The following WBP1L variants were observed in gnomAD, a reference collection of about 807,000 sequenced individuals.
WBP1L encodes WW domain binding protein 1 like.
Under a neutral mutation model 33.7 loss-of-function variants are expected in WBP1L, and 17 were observed. The ratio of observed to expected loss-of-function variants is 0.50; its 90% CI spans 0.34 to 0.76. WBP1L has a LOEUF of 0.76. Among genes scored for constraint, WBP1L ranks in the 30% least tolerant of loss-of-function variants. WBP1L has a pLI of 0.01. For missense variants in WBP1L, 389 were observed against 469.4 expected (o/e 0.83, Z 1.58); for synonymous variants, 173 against 190.8 (o/e 0.91, Z 0.77).
chr10:102,795,256 C>T (rs1417726048), intron 1 of WBP1L, among the ~76,000 whole-genome samples: 1 of 152,184 alleles, frequency 6.6e-6, no homozygotes, highest in Non-Finnish European at 1.5e-5. Context: ...GTAAGCTAGG[C>T]TAAGCTATGC....
chr10:102,798,625 G>A (rs780255508), intron 2 of WBP1L, among the ~76,000 whole-genome samples: 5 of 152,142 alleles, frequency 3.3e-5, no homozygotes, highest in African/African-American at 4.8e-5. Context: ...GGGTTTCACC[G>A]TATTGGCCAA....
chr10:102,751,024 A>G (rs1842919467), intron 1 of WBP1L, among the ~76,000 whole-genome samples: 1 of 151,950 alleles, frequency 6.6e-6, no homozygotes, highest in African/African-American at 2.4e-5. Context: ...TTTTTGAGAC[A>G]GAGTCTCACT....
intron 1 of WBP1L, among the ~76,000 whole-genome samples, chr10:102,781,152 G>A (rs542289913): frequency 1.3e-5 from 2 of 152,200 alleles, no homozygotes; most frequent in Non-Finnish European, 2.9e-5. Flanking sequence ...CAACTAGAAT[G>A]TTGCATGGTA....
chr10:102,799,858 T>G lies in WBP1L; in HGVS notation c.193+1763T>G, dbSNP rs17115022. ...GACTCTTGGCTGGGAGGTCTGTCCA[T>G]CTGAAATGCAGTTGTATTTGTAGCC... On this transcript the variant is annotated intron_variant, in intron 2 of 3. Transcript: ENST00000448841. Among the ~76,000 whole-genome samples the G allele has an allele frequency of 7.9e-3, 1,196 of 152,258 alleles. 11 individuals carry two copies. The highest frequency in any genetic ancestry group is 0.028 in the African/African-American group (1,146 of 41,534).
intron 1 of WBP1L, among the ~76,000 whole-genome samples, chr10:102,769,835 A>G (rs1843164113): frequency 6.6e-6 from 1 of 152,164 alleles, no homozygotes; most frequent in African/African-American, 2.4e-5. Context: ...GCAGTTAAGA[A>G]CCGTTTACCT....
At chr10:102,753,804 T>C (rs995049412) in intron 1 of WBP1L, among the ~76,000 whole-genome samples, 1 of 152,196 alleles carries the variant, frequency 6.6e-6, no homozygotes, top group Non-Finnish European at 1.5e-5. Flanking sequence ...TACAAGAATA[T>C]CTGTGGCTTG....
intron 1 of WBP1L, among the ~76,000 whole-genome samples, chr10:102,795,146 T>G (rs1200850950): frequency 6.6e-6 from 1 of 152,200 alleles, no homozygotes; most frequent in African/African-American, 2.4e-5. Context: ...AATACAGTAT[T>G]AAGTAGATGA....
chr10:102,746,928 G>A (rs1017618755), intron 1 of WBP1L, among the ~76,000 whole-genome samples: 1 of 152,034 alleles, frequency 6.6e-6, no homozygotes, highest in African/African-American at 2.4e-5. Context: ...TACCAGCTCT[G>A]CACTGAAACA....
intron 1 of WBP1L, among the ~76,000 whole-genome samples, chr10:102,761,960 A>T (rs923738106): frequency 1.6e-4 from 24 of 152,056 alleles, no homozygotes; most frequent in Non-Finnish European, 3.4e-4. Context: ...CAATCCCCCT[A>T]CCTTAACCTC....
intron 2 of WBP1L, among the ~76,000 whole-genome samples, chr10:102,807,713 T>C (rs1287746357): frequency 6.6e-6 from 1 of 152,130 alleles, no homozygotes; most frequent in African/African-American, 2.4e-5. Flanking sequence ...TCATATTTTA[T>C]TTTGTCATCT....
chr10:102,790,351 C>G (rs1262175535), intron 1 of WBP1L, among the ~76,000 whole-genome samples: 3 of 151,866 alleles, frequency 2.0e-5, no homozygotes, highest in Non-Finnish European at 2.9e-5. Flanking sequence ...TTAATTCTTT[C>G]TTTTTGGCTT....
chr10:102,795,002 G>A (rs1035313961), intron 1 of WBP1L, among the ~76,000 whole-genome samples: 12 of 152,160 alleles, frequency 7.9e-5, no homozygotes, highest in Non-Finnish European at 1.5e-4. Context: ...TGTATTTAGA[G>A]GAGGGAGAAG....
intron 2 of WBP1L, among the ~76,000 whole-genome samples, chr10:102,808,251 A>G (rs1006014997): frequency 2.0e-5 from 3 of 152,118 alleles, no homozygotes; most frequent in Non-Finnish European, 4.4e-5. Context: ...GAAAATTTAA[A>G]TTTCTTATTC....
chr10:102,757,712 G>C (rs1842993537), intron 1 of WBP1L, among the ~76,000 whole-genome samples: 1 of 151,128 alleles, frequency 6.6e-6, no homozygotes, highest in Non-Finnish European at 1.5e-5. Context: ...TAGTAGCTGG[G>C]ACTATAGGCG....
At chr10:102,761,550 A>C (rs1005446552) in intron 1 of WBP1L, among the ~76,000 whole-genome samples, 28 of 144,162 alleles carry the variant, frequency 1.9e-4, no homozygotes, top group African/African-American at 7.2e-4. Flanking sequence ...TCCGCCTCCC[A>C]GGTTCAAGTG....
intron 1 of WBP1L, among the ~76,000 whole-genome samples, chr10:102,764,436 T>C (rs1342439253): frequency 6.6e-6 from 1 of 152,222 alleles, no homozygotes; most frequent in Non-Finnish European, 1.5e-5. Context: ...AGACTCTGGA[T>C]GAAGGTGTTT....
chr10:102,804,423 A>ATTTTT (rs779082379), intron 2 of WBP1L, among the ~76,000 whole-genome samples: 50 of 138,168 alleles, frequency 3.6e-4, no homozygotes, highest in Admixed American at 4.5e-4. Flanking sequence ...TTTTTTTAAA[A>ATTTTT]AAAAAATTAT....
intron 2 of WBP1L, among the ~76,000 whole-genome samples, chr10:102,801,572 C>G (rs1434320596): frequency 2.0e-5 from 3 of 152,146 alleles, no homozygotes; most frequent in Non-Finnish European, 4.4e-5. Context: ...GCCCAAACCC[C>G]AAAGCCACTC....
chr10:102,772,414 C>A (rs1482543159), intron 1 of WBP1L, among the ~76,000 whole-genome samples: 1 of 151,460 alleles, frequency 6.6e-6, no homozygotes, highest in Non-Finnish European at 1.5e-5. Context: ...GTATGTGTCA[C>A]CATGCTTAGC....
Sources: allele counts gnomAD v4.1 joint callset (sites outside exome capture counted in the v4.1 genomes callset), GRCh38; gene constraint gnomAD v4.1.1; transcripts MANE v1.5; gene names NCBI Gene and HGNC (gene_info 2026-07-23, HGNC 2026-07-21).